Variants in SDK1 observed in about 807,000 individuals in gnomAD.
SDK1 encodes the protein sidekick cell adhesion molecule 1, also known as protein sidekick-1.
In SDK1, 157 loss-of-function variants were observed where a neutral mutation model predicts 245.5. The observed-to-expected ratio is 0.64, with a 90% CI of 0.56 to 0.73. The LOEUF (loss-of-function observed/expected upper bound fraction) is 0.73. Ranked by LOEUF, SDK1 falls within the 30% of genes least tolerant of loss-of-function variation. The pLI is 0.00. For synonymous variants in SDK1, 1,647 were observed against 1,278.5 expected (o/e 1.29, Z -6.15); for missense variants, 3,583 against 3,002.3 (o/e 1.19, Z -4.52).
chr7:4,102,820 C>T (rs981434588), intron 22 of SDK1, among the ~76,000 whole-genome samples: 2 of 152,244 alleles, frequency 1.3e-5, no homozygotes, highest in South Asian at 2.1e-4. Flanking sequence ...GCAGCATCCC[C>T]GTGGGTATAA....
At chr7:3,795,002 G>C (rs1395460391) in intron 4 of SDK1, among the ~76,000 whole-genome samples, 1 of 152,040 alleles carries the variant, frequency 6.6e-6, no homozygotes, top group Non-Finnish European at 1.5e-5. Context: ...TCTGTGCCAG[G>C]CACTCTGCTA....
intron 1 of SDK1, among the ~76,000 whole-genome samples, chr7:3,365,570 T>C (rs1052466258): frequency 8.5e-5 from 13 of 152,350 alleles, no homozygotes; most frequent in East Asian, 1.9e-4. Flanking sequence ...TATCAACTTA[T>C]TTGCTTTATC....
At chr7:4,187,479 C>G (rs1481042563) in intron 35 of SDK1, among the ~76,000 whole-genome samples, 1 of 152,220 alleles carries the variant, frequency 6.6e-6, no homozygotes, top group Admixed American at 6.5e-5. Context: ...TGACCAGATA[C>G]AGGGCTCAGG....
intron 28 of SDK1, among the ~76,000 whole-genome samples, chr7:4,135,275 G>C (rs1284750327): frequency 6.6e-6 from 1 of 152,206 alleles, no homozygotes; most frequent in Non-Finnish European, 1.5e-5. Context: ...TGAGGATCTG[G>C]AGAAACAAGA....
At chr7:4,244,771 C>G (rs1272427459) in intron 43 of SDK1, among the ~76,000 whole-genome samples, 1 of 151,996 alleles carries the variant, frequency 6.6e-6, no homozygotes, top group Non-Finnish European at 1.5e-5. Flanking sequence ...CTTCCAAGCT[C>G]ATTCAGCCTG....
chr7:3,851,759 G>A (rs1174497260), intron 5 of SDK1, among the ~76,000 whole-genome samples: 3 of 152,086 alleles, frequency 2.0e-5, no homozygotes, highest in African/African-American at 4.8e-5. Flanking sequence ...CAGAAGAAAC[G>A]GCCTTTGGAA....
In SDK1 at chr7:4,077,187, C is replaced by A. The variant is rs1315047874; in HGVS notation, c.3200C>A (p.Pro1067Gln). The A allele has an allele frequency of 6.2e-7, 1 of 1,613,952 alleles. No homozygotes were observed. Among genetic ancestry groups the A allele is most frequent in the Non-Finnish European group, 8.5e-7 (1 of 1,179,898 alleles). ...TCCACCATTTCTTCTGGAGTGCCCCCAGGTCAGTAGAATCGTGTGCGGTCC... is the reference window on the plus strand; with the variant it reads ...TCCACCATTTCTTCTGGAGTGCCCCAAGGTCAGTAGAATCGTGTGCGGTCC... ...TSSTISSGVP[P>Q]DLPGAPSNLV... The change falls in exon 21 of 45, where the codon CCA becomes CAA. Residue 1067 changes from proline to glutamine, a missense_variant and splice_region_variant. Coordinates refer to ENST00000404826, the MANE Select transcript of SDK1 (RefSeq NM_152744.4).
intron 1 of SDK1, among the ~76,000 whole-genome samples, chr7:3,542,286 A>G (rs1217285115): frequency 6.6e-6 from 1 of 152,228 alleles, no homozygotes; most frequent in Non-Finnish European, 1.5e-5. Context: ...TTTACATATT[A>G]GAACTTAGGG....
intron 1 of SDK1, among the ~76,000 whole-genome samples, chr7:3,501,749 C>T (rs1354048828): frequency 6.6e-6 from 1 of 152,074 alleles, no homozygotes; most frequent in Non-Finnish European, 1.5e-5. Flanking sequence ...GAAGTATGTG[C>T]AGTATTTTGG....
At chr7:3,582,512 G>A (rs1426339530) in intron 1 of SDK1, among the ~76,000 whole-genome samples, 1 of 151,952 alleles carries the variant, frequency 6.6e-6, no homozygotes, top group Non-Finnish European at 1.5e-5. Flanking sequence ...TCTCAAGTAG[G>A]CCCCAGTGTC....
chr7:3,949,676 T>G (rs1453421095), intron 5 of SDK1, among the ~76,000 whole-genome samples: 1 of 152,216 alleles, frequency 6.6e-6, no homozygotes, highest in Non-Finnish European at 1.5e-5. Context: ...TAAACAGTAG[T>G]AAAGTGTACT....
At chr7:3,492,570 G>C (rs1478619830) in intron 1 of SDK1, among the ~76,000 whole-genome samples, 4 of 152,236 alleles carry the variant, frequency 2.6e-5, no homozygotes, top group Non-Finnish European at 2.9e-5. Context: ...ATAAAGAGTG[G>C]ACAGCAGTGG....
chr7:3,966,418 T>C (rs147261795), intron 9 of SDK1, among the ~76,000 whole-genome samples: 25 of 152,186 alleles, frequency 1.6e-4, no homozygotes, highest in East Asian at 1.4e-3. Context: ...TAATCGTTAT[T>C]GGGTAGCACA....
intron 2 of SDK1, among the ~76,000 whole-genome samples, chr7:3,635,503 T>G (rs1446744376): frequency 6.6e-6 from 1 of 152,218 alleles, no homozygotes; most frequent in Non-Finnish European, 1.5e-5. Flanking sequence ...AAGATATGCT[T>G]GGGAACTGAG....
At chr7:3,985,055 G>T (rs1783718428) in intron 13 of SDK1, among the ~76,000 whole-genome samples, 1 of 152,146 alleles carries the variant, frequency 6.6e-6, no homozygotes, top group Non-Finnish European at 1.5e-5. Context: ...AGGTCAGAAG[G>T]CTGAGCCGTC....
chr7:3,402,711 A>G (rs183994120), intron 1 of SDK1, among the ~76,000 whole-genome samples: 411 of 152,232 alleles, frequency 2.7e-3, no homozygotes, highest in Admixed American at 5.0e-3. Flanking sequence ...GTTTTCCCTT[A>G]GTTATTTGTG....
intron 4 of SDK1, among the ~76,000 whole-genome samples, chr7:3,656,739 C>CTT (rs11368318): frequency 3.3e-4 from 42 of 125,510 alleles, no homozygotes; most frequent in African/African-American, 5.9e-4. Context: ...TGGTGGAAAT[C>CTT]TTTTTTTTTT....
chr7:4,130,260 A>G (rs185838238), intron 27 of SDK1, 163 bp downstream of exon 27: 2 of 714,758 alleles, frequency 2.8e-6, no homozygotes, highest in Admixed American at 3.1e-5. Flanking sequence ...CTGAGCACTT[A>G]TATGGCCAAT....
intron 2 of SDK1, among the ~76,000 whole-genome samples, chr7:3,638,317 A>C (rs62437895): frequency 0.26 from 39,785 of 152,066 alleles, 5,929 homozygotes; most frequent in Non-Finnish European, 0.34. Context: ...TCATGCTGCT[A>C]TAAAGACACG....
Sources: gnomAD v4.1 joint callset for allele counts (sites outside exome capture counted in the v4.1 genomes callset) on GRCh38, gnomAD v4.1.1 for gene constraint, MANE v1.5 for transcripts, NCBI Gene and HGNC (gene_info 2026-07-23, HGNC 2026-07-21) for gene names.